CSMD3: variants seen among roughly 807,000 people sequenced by gnomAD.
CSMD3 encodes CUB and Sushi multiple domains 3.
In CSMD3, 177 loss-of-function variants were observed where a neutral mutation model predicts 435.2. The observed-to-expected ratio is 0.41, with a 90% CI of 0.36 to 0.46. CSMD3 has a LOEUF of 0.46. Ranked by LOEUF, CSMD3 falls within the 20% of genes least tolerant of loss-of-function variation. The pLI is 0.34. For synonymous variants in CSMD3, 1,656 were observed against 1,520.5 expected, an observed-to-expected ratio of 1.09 and a Z score of -2.07; for missense variants, 4,265 against 4,504.6, an observed-to-expected ratio of 0.95 and a Z score of 1.52.
At chr8:113,382,281 T>TA (rs1209962234) in intron 1 of CSMD3, among the ~76,000 whole-genome samples, 1 of 152,212 alleles carries the variant, frequency 6.6e-6, no homozygotes, top group African/African-American at 2.4e-5. Context: ...CATTAGTTGT[T>TA]ATGATTTTTA....
chr8:112,639,361 A>G (rs558808619), intron 20 of CSMD3, among the ~76,000 whole-genome samples: 14 of 152,302 alleles, frequency 9.2e-5, no homozygotes, highest in African/African-American at 3.1e-4. Context: ...AGAGAAATAT[A>G]AAACAGGCAT....
chr8:112,237,027 C>A (rs1813652363), intron 67 of CSMD3, among the ~76,000 whole-genome samples, 163 bp downstream of exon 67: 1 of 151,940 alleles, frequency 6.6e-6, no homozygotes, highest in Non-Finnish European at 1.5e-5. Flanking sequence ...ATTCATCAAT[C>A]CAAAAACCAG....
intron 27 of CSMD3, among the ~76,000 whole-genome samples, chr8:112,542,155 A>C (rs1826725230): frequency 1.3e-5 from 2 of 151,728 alleles, no homozygotes; most frequent in Admixed American, 6.6e-5. Context: ...AAAATGTTTC[A>C]ACATTATAAA....
At chr8:112,932,047 A>ACT (rs2083126655) in intron 9 of CSMD3, among the ~76,000 whole-genome samples, 2 of 152,156 alleles carry the variant, frequency 1.3e-5, no homozygotes, top group Non-Finnish European at 2.9e-5. Context: ...AGAGTTCTCA[A>ACT]AAAACTAAAA....
intron 41 of CSMD3, among the ~76,000 whole-genome samples, chr8:112,344,716 G>A (rs1464049169): frequency 3.9e-5 from 6 of 152,104 alleles, no homozygotes; most frequent in Non-Finnish European, 8.8e-5. Flanking sequence ...AAAGCTGTAA[G>A]AGAGTATATT....
At chr8:112,770,297 AG>A (rs2078080171) in intron 13 of CSMD3, among the ~76,000 whole-genome samples, 2 of 151,936 alleles carry the variant, frequency 1.3e-5, no homozygotes, top group Non-Finnish European at 2.9e-5. Context: ...TGTGTAAAAA[AG>A]CTCATGAAGT....
chr8:113,120,435 C>A (rs902267028), intron 4 of CSMD3, among the ~76,000 whole-genome samples: 1 of 152,060 alleles, frequency 6.6e-6, no homozygotes, highest in African/African-American at 2.4e-5. Context: ...TTTTTGCATA[C>A]TTAAATACAT....
intron 13 of CSMD3, among the ~76,000 whole-genome samples, chr8:112,774,247 G>C (rs2078192536): frequency 6.6e-6 from 1 of 151,940 alleles, no homozygotes; most frequent in African/African-American, 2.4e-5. Flanking sequence ...GCACTGTTGA[G>C]TTTTCAGTTA....
chr8:112,292,762 T>C, intron 54 of CSMD3, 52 bp from the exon 55 acceptor site: 1 of 1,484,666 alleles, frequency 6.7e-7, no homozygotes, highest in Non-Finnish European at 9.4e-7. Flanking sequence ...AAAAAATATT[T>C]AGTTATCAGT....
At chr8:112,445,986 A>T (rs1237789501) in intron 32 of CSMD3, among the ~76,000 whole-genome samples, 1 of 152,308 alleles carries the variant, frequency 6.6e-6, no homozygotes, top group Non-Finnish European at 1.5e-5. Flanking sequence ...TTCTTAAATA[A>T]TTCTAGAAAG....
chr8:112,981,846 C>T (rs550169902), intron 6 of CSMD3, among the ~76,000 whole-genome samples: 4 of 151,504 alleles, frequency 2.6e-5, no homozygotes, highest in Non-Finnish European at 4.4e-5. Flanking sequence ...TTTTAGAAAG[C>T]CTTAAGGAGA....
At chr8:112,294,060 C>A (rs1820027535) in intron 54 of CSMD3, among the ~76,000 whole-genome samples, 1 of 151,880 alleles carries the variant, frequency 6.6e-6, no homozygotes, top group East Asian at 1.9e-4. Context: ...ATATTGTTGT[C>A]TTTAAATCAT....
At chr8:113,147,779 T>A (rs2091711218) in intron 4 of CSMD3, among the ~76,000 whole-genome samples, 1 of 151,630 alleles carries the variant, frequency 6.6e-6, no homozygotes, top group Admixed American at 6.6e-5. Context: ...CCCACTTGTG[T>A]TCTCTTCCTT....
chr8:112,939,935 G>C lies in CSMD3; in HGVS notation c.1508+7855C>G, dbSNP rs1478820589. Among the ~76,000 whole-genome samples, 3 of 152,092 alleles carry C rather than the reference G, an allele frequency of 2.0e-5. No individual in the cohort carries two copies. In the East Asian group the frequency reaches 5.8e-4, roughly 29 times the overall value. On this transcript the variant is annotated intron_variant, in intron 9 of 70. Transcript: ENST00000297405. ...CAAATACTTATAGCAGTATGGTAAG[G>C]AAAGAACTGCCACAGATGTAGGCCA...
intron 6 of CSMD3, among the ~76,000 whole-genome samples, chr8:112,983,135 G>C (rs994280532): frequency 6.6e-6 from 1 of 151,798 alleles, no homozygotes; most frequent in Non-Finnish European, 1.5e-5. Flanking sequence ...AAAGAGAAAG[G>C]AGAAAAGTAA....
intron 1 of CSMD3, among the ~76,000 whole-genome samples, chr8:113,400,882 A>C (rs1335207159): frequency 1.3e-5 from 2 of 151,788 alleles, no homozygotes; most frequent in African/African-American, 4.8e-5. Context: ...TTGGTTGGAG[A>C]GTATTTATAA....
At chr8:112,764,211 G>T (rs2077918188) in intron 13 of CSMD3, among the ~76,000 whole-genome samples, 1 of 151,356 alleles carries the variant, frequency 6.6e-6, no homozygotes, top group Admixed American at 6.6e-5. Context: ...TTTACATACT[G>T]GGGAGAGATG....
At chr8:112,424,228 T>C (rs565311325) in intron 32 of CSMD3, among the ~76,000 whole-genome samples, 63 of 152,074 alleles carry the variant, frequency 4.1e-4, no homozygotes, top group African/African-American at 1.4e-3. Context: ...AGGAAAAAAA[T>C]AGTTTTAAGA....
intron 9 of CSMD3, among the ~76,000 whole-genome samples, chr8:112,935,162 T>C (rs950418864): frequency 2.6e-5 from 4 of 152,128 alleles, no homozygotes; most frequent in African/African-American, 9.6e-5. Context: ...AGTGTCCTTT[T>C]CTTACGGCGT....
Sources: gnomAD v4.1 joint callset for allele counts (sites outside exome capture counted in the v4.1 genomes callset) on GRCh38, gnomAD v4.1.1 for gene constraint, MANE v1.5 for transcripts, NCBI Gene and HGNC (gene_info 2026-07-23, HGNC 2026-07-21) for gene names.